Variants in RALGPS1 observed in about 807,000 individuals in gnomAD.
RALGPS1 encodes ras-specific guanine nucleotide-releasing factor RalGPS1.
RALGPS1 carries 19 observed loss-of-function variants against 78.8 expected under a neutral mutation model. The ratio of observed to expected loss-of-function variants is 0.24; its 90% CI spans 0.17 to 0.35. RALGPS1 has a LOEUF of 0.35. RALGPS1 is among the 10% of genes least tolerant of loss of function. The pLI is 1.00. For missense variants in RALGPS1, 454 were observed against 688.3 expected, an observed-to-expected ratio of 0.66 and a Z score of 3.81; for synonymous variants, 228 against 256.3, an observed-to-expected ratio of 0.89 and a Z score of 1.06.
chr9:126,953,973 T>A (rs770065694), intron 1 of RALGPS1, among the ~76,000 whole-genome samples: 3 of 152,184 alleles, frequency 2.0e-5, no homozygotes, highest in Non-Finnish European at 4.4e-5. Context: ...CATGCTGGTA[T>A]CCCACCTGTC....
chr9:127,048,633 A>G (rs964720450), intron 5 of RALGPS1, among the ~76,000 whole-genome samples: 1 of 152,248 alleles, frequency 6.6e-6, no homozygotes, highest in African/African-American at 2.4e-5. Flanking sequence ...AATATGCCAT[A>G]AACGTGTGAT....
At chr9:127,132,778 G>T (rs1249577390) in intron 8 of RALGPS1, among the ~76,000 whole-genome samples, 1 of 152,192 alleles carries the variant, frequency 6.6e-6, no homozygotes, top group East Asian at 1.9e-4. Flanking sequence ...TCATAAGGTT[G>T]CCATGAGAAT....
chr9:127,153,317 G>A (rs1315248661), intron 8 of RALGPS1, among the ~76,000 whole-genome samples: 1 of 151,224 alleles, frequency 6.6e-6, no homozygotes, highest in Non-Finnish European at 1.5e-5. Context: ...GATTCCTTTG[G>A]GGTCTCTCAG....
intron 14 of RALGPS1, among the ~76,000 whole-genome samples, chr9:127,207,561 A>G (rs1404755758): frequency 6.6e-6 from 1 of 152,206 alleles, no homozygotes; most frequent in African/African-American, 2.4e-5. Context: ...CCACCACCCA[A>G]TCATTTTGCA....
intron 8 of RALGPS1, among the ~76,000 whole-genome samples, chr9:127,112,439 C>T (rs1054018840): frequency 9.8e-5 from 15 of 152,340 alleles, no homozygotes; most frequent in Middle Eastern, 3.4e-3. Context: ...CCCATGTGGG[C>T]GCAGGGCTCC....
chr9:127,015,133 G>A (rs572411819), intron 4 of RALGPS1, among the ~76,000 whole-genome samples: 3 of 152,266 alleles, frequency 2.0e-5, no homozygotes, highest in Non-Finnish European at 2.9e-5. Context: ...TTTGTAGATA[G>A]TCACTATTAT....
In RALGPS1 at chr9:127,047,391, A is replaced by T. The variant is rs185060827; in HGVS notation, c.301-2652A>T. ...ACCAATTTAGTTTTAAGAGACAAAC[A>T]TGTTCTATATAGAGAAAAAAAAGAT... On this transcript the variant is annotated intron_variant, in intron 5 of 18. Coordinates refer to ENST00000259351, the MANE Select transcript of RALGPS1 (RefSeq NM_014636.3). Among the ~76,000 whole-genome samples the T allele has an allele frequency of 9.0e-4, 137 of 152,302 alleles. 1 individual carries two copies. The highest frequency in any genetic ancestry group is 3.4e-3 in the Middle Eastern group (1 of 294).
At chr9:126,982,926 T>C (rs2041433667) in intron 4 of RALGPS1, among the ~76,000 whole-genome samples, 1 of 62,632 alleles carries the variant, frequency 1.6e-5, no homozygotes, top group South Asian at 1.0e-3. Flanking sequence ...CTTCTTCTTC[T>C]TCTTTTTTTT....
intron 8 of RALGPS1, among the ~76,000 whole-genome samples, chr9:127,117,120 C>T (rs115183984): frequency 0.018 from 2,728 of 152,336 alleles, 80 homozygotes; most frequent in African/African-American, 0.062. Context: ...CTTCCTGCCT[C>T]GAGTACCTTC....
intron 8 of RALGPS1, among the ~76,000 whole-genome samples, chr9:127,164,613 C>T (rs927776082): frequency 7.1e-6 from 1 of 141,380 alleles, no homozygotes; most frequent in African/African-American, 2.6e-5. Flanking sequence ...GATCTCAGCT[C>T]ACTGCAGCCT....
intron 1 of RALGPS1, among the ~76,000 whole-genome samples, chr9:126,961,768 T>G (rs1355811486): frequency 6.6e-6 from 1 of 152,040 alleles, no homozygotes; most frequent in Non-Finnish European, 1.5e-5. Flanking sequence ...TGCACTCCAG[T>G]CTGGGTGACA....
At chr9:127,202,493 G>A (rs1018739822) in intron 14 of RALGPS1, among the ~76,000 whole-genome samples, 9 of 152,160 alleles carry the variant, frequency 5.9e-5, no homozygotes, top group African/African-American at 1.9e-4. Flanking sequence ...GAATGGGTCT[G>A]TTCCTACTGG....
chr9:127,208,342 C>T (rs1267801807), intron 14 of RALGPS1, among the ~76,000 whole-genome samples: 1 of 152,144 alleles, frequency 6.6e-6, no homozygotes, highest in African/African-American at 2.4e-5. Flanking sequence ...CCAGAAAGGG[C>T]CCCCACAGTG....
rs938180321 is a variant in RALGPS1, at chr9:127,205,332, T to C, written c.1247+6266T>C. Among the ~76,000 whole-genome samples the C allele has an allele frequency of 6.6e-6, 1 of 152,194 alleles. No homozygotes were observed. The highest frequency in any genetic ancestry group is 1.5e-5 in the Non-Finnish European group (1 of 68,028). On this transcript the variant is annotated intron_variant, in intron 14 of 18. Coordinates refer to ENST00000259351, the MANE Select transcript of RALGPS1 (RefSeq NM_014636.3). The surrounding 1 kb of genome is among the most constrained non-coding windows in gnomAD (Gnocchi z 4.0). ...CTGGGTGGCAGCCCAGTTAGAAAAT[T>C]TGCCAGCTTCTGATTTGGGTTTCCC...
chr9:126,946,413 A>G (rs1225172110), intron 1 of RALGPS1, among the ~76,000 whole-genome samples: 1 of 151,974 alleles, frequency 6.6e-6, no homozygotes, highest in Non-Finnish European at 1.5e-5. Context: ...ACACACCTGT[A>G]ATCCCAGCTA....
Position 126,944,020 on chromosome 9 carries a change from C to T in RALGPS1, c.-65-18205C>T, listed in dbSNP as rs555822602. ...GCCTGGCACCCTAACACAGGACCCT[C>T]TGGTCAAAGCTGGGTTGGAGCAGGT... On this transcript the variant is annotated intron_variant, in intron 1 of 18. Coordinates refer to ENST00000259351, the MANE Select transcript of RALGPS1 (RefSeq NM_014636.3). 6.6e-5 allele frequency among the ~76,000 whole-genome samples: 10 copies of T among 152,352 alleles called. No homozygotes were observed. In the East Asian group the frequency reaches 1.9e-3, roughly 29 times the overall value.
intron 4 of RALGPS1, among the ~76,000 whole-genome samples, chr9:126,986,946 A>G (rs1425606596): frequency 6.6e-6 from 1 of 152,178 alleles, no homozygotes; most frequent in Non-Finnish European, 1.5e-5. Context: ...TACAGTGGGC[A>G]TGTAAGAACT....
At chr9:127,206,790 A>T (rs1384512369) in intron 14 of RALGPS1, among the ~76,000 whole-genome samples, 1 of 152,132 alleles carries the variant, frequency 6.6e-6, no homozygotes, top group African/African-American at 2.4e-5. Context: ...GATACCTACA[A>T]CCTAATGTGT....
At chr9:127,095,471 T>C (rs1204085430) in intron 8 of RALGPS1, among the ~76,000 whole-genome samples, 2 of 152,214 alleles carry the variant, frequency 1.3e-5, no homozygotes, top group African/African-American at 4.8e-5. Flanking sequence ...GAAAGTACCA[T>C]TGTATGTTTT....
Sources: gnomAD v4.1 joint callset for allele counts (sites outside exome capture counted in the v4.1 genomes callset) on GRCh38, gnomAD v4.1.1 for gene constraint, Gnocchi (gnomAD v3.1) non-coding constraint, MANE v1.5 for transcripts, NCBI Gene and HGNC (gene_info 2026-07-23, HGNC 2026-07-21) for gene names.